YLPM1: variants seen among roughly 807,000 people sequenced by gnomAD.
YLPM1 encodes the protein YLP motif-containing protein 1.
A neutral mutation model predicts 230.0 loss-of-function variants in YLPM1; 99 were observed. The ratio of observed to expected loss-of-function variants is 0.43; its 90% CI spans 0.37 to 0.51. The LOEUF is 0.51. Ranked by LOEUF, YLPM1 falls within the 20% of genes least tolerant of loss-of-function variation. The probability of loss-of-function intolerance (pLI) is 0.00; values close to 1 mark genes in which losing one functional copy is unlikely to be tolerated. For missense variants in YLPM1, 2,592 were observed against 2,707.7 expected (o/e 0.96, Z 0.95); for synonymous variants, 984 against 942.5 (o/e 1.04, Z -0.81).
intron 17 of YLPM1, among the ~76,000 whole-genome samples, chr14:74,822,775 A>G (rs372832284): frequency 1.3e-5 from 2 of 152,186 alleles, no homozygotes; most frequent in Non-Finnish European, 2.9e-5. Context: ...TGGAATTCTC[A>G]GTAAACCTTG....
At chr14:74,821,635 T>A (rs1257933435) in intron 17 of YLPM1, 1 of 152,272 alleles carries the variant, frequency 6.6e-6, no homozygotes, top group African/African-American at 2.4e-5. Flanking sequence ...GGGGAAAAAT[T>A]AAATGACTGT....
At position 74,780,586 on chromosome 14, in the gene YLPM1, C is replaced by G; in HGVS notation, c.1290+2C>G. 1.2e-6 allele frequency: 2 copies of G among 1,604,394 alleles called. No individual in the cohort carries two copies. Among genetic ancestry groups the G allele is most frequent in the Non-Finnish European group, 1.7e-6 (2 of 1,173,358 alleles). On this transcript the variant is annotated splice_donor_variant, in intron 3 of 20. Transcript: ENST00000325680. LOFTEE classifies it high-confidence loss of function. Reference sequence around the variant, plus strand: ...ATACAGCCCCCACCACATATACAGGCAAGTGCTTCCATAGTCCACAATAGG... The same window carrying G: ...ATACAGCCCCCACCACATATACAGGGAAGTGCTTCCATAGTCCACAATAGG...
Position 74,763,594 on chromosome 14 carries a change from G to C in YLPM1, c.105G>C (p.Gly35=). The C allele has an allele frequency of 1.9e-6, 3 of 1,590,294 alleles. No homozygotes were observed. The highest frequency in any genetic ancestry group is 2.6e-6 in the Non-Finnish European group (3 of 1,167,372). Residue 35 remains glycine (G), a synonymous_variant, in exon 1 of 21, where the codon GGG becomes GGC. Coordinates refer to ENST00000325680, the MANE Select transcript of YLPM1 (RefSeq NM_019589.3). ...VALPEASPGP[G]YSSSTTPAAP... is the part of the protein sequence containing the mutation. ...TTCCTGAGGCCTCGCCGGGGCCCGG[G>C]TACTCGAGCTCGACGACTCCCGCGG...
chr14:74,834,525 A>C (rs1306139003), intron 19 of YLPM1, among the ~76,000 whole-genome samples: 2 of 152,220 alleles, frequency 1.3e-5, no homozygotes, highest in Non-Finnish European at 2.9e-5. Flanking sequence ...TCAAAAGCAG[A>C]CATATCAAAA....
intron 18 of YLPM1, among the ~76,000 whole-genome samples, chr14:74,826,429 A>G (rs540966120): frequency 1.4e-4 from 21 of 152,302 alleles, no homozygotes; most frequent in African/African-American, 4.3e-4. Flanking sequence ...ACATTCTCCA[A>G]TTACTCTTGG....
At chr14:74,833,054 A>G (rs2091619837) in intron 19 of YLPM1, among the ~76,000 whole-genome samples, 1 of 149,000 alleles carries the variant, frequency 6.7e-6, no homozygotes, top group African/African-American at 2.5e-5. Context: ...GAGCCTTACC[A>G]TATAAGGGGC....
At chr14:74,773,455 C>T (rs1386200496) in intron 1 of YLPM1, among the ~76,000 whole-genome samples, 3 of 152,180 alleles carry the variant, frequency 2.0e-5, no homozygotes, top group Non-Finnish European at 4.4e-5. Context: ...TCATTCTGTA[C>T]AGTCTTCATA....
chr14:74,791,861 A>G (rs1236176748), intron 4 of YLPM1, among the ~76,000 whole-genome samples: 1 of 152,178 alleles, frequency 6.6e-6, no homozygotes, highest in African/African-American at 2.4e-5. Context: ...CAAGGCATTC[A>G]CAATTTTGTT....
intron 1 of YLPM1, 98 bp downstream of exon 1, chr14:74,764,460 C>A (rs2090891319): frequency 7.2e-7 from 1 of 1,379,478 alleles, no homozygotes; most frequent in Non-Finnish European, 9.6e-7. Context: ...TTCCAACACA[C>A]AATGACTAGC....
At chr14:74,770,555 G>A (rs530048775) in intron 1 of YLPM1, among the ~76,000 whole-genome samples, 3 of 151,976 alleles carry the variant, frequency 2.0e-5, no homozygotes, top group Admixed American at 1.3e-4. Flanking sequence ...AACCCAGGAG[G>A]CAGAGGTTGC....
chr14:74,808,975 G>T (rs2091407061), intron 6 of YLPM1, among the ~76,000 whole-genome samples: 1 of 152,080 alleles, frequency 6.6e-6, no homozygotes, highest in African/African-American at 2.4e-5. Context: ...CAGTGCATAT[G>T]AAAATGGTAT....
chr14:74,796,071 A>C (rs1318188546), intron 4 of YLPM1, among the ~76,000 whole-genome samples: 1 of 152,152 alleles, frequency 6.6e-6, no homozygotes, highest in Non-Finnish European at 1.5e-5. Flanking sequence ...GCTGCAAGAG[A>C]TATTGAGAAA....
chr14:74,816,347 C>A, intron 12 of YLPM1, 82 bp downstream of exon 12: 1 of 1,422,762 alleles, frequency 7.0e-7, no homozygotes, highest in Non-Finnish European at 9.7e-7. Flanking sequence ...TAGCAAGCAA[C>A]ATAATGCCAA....
chr14:74,777,834 G>T (rs1183290591), intron 1 of YLPM1, among the ~76,000 whole-genome samples: 1 of 152,036 alleles, frequency 6.6e-6, no homozygotes, highest in Non-Finnish European at 1.5e-5. Context: ...AATTAGCTGG[G>T]CGTGATGGTG....
intron 1 of YLPM1, among the ~76,000 whole-genome samples, chr14:74,775,751 A>T (rs1190514666): frequency 6.6e-6 from 1 of 152,222 alleles, no homozygotes; most frequent in Non-Finnish European, 1.5e-5. Flanking sequence ...ATTATAGATC[A>T]TCTTTTATTT....
intron 1 of YLPM1, among the ~76,000 whole-genome samples, chr14:74,766,668 G>T (rs1178038880): frequency 6.8e-6 from 1 of 146,808 alleles, no homozygotes; most frequent in Non-Finnish European, 1.5e-5. Flanking sequence ...GGTAGAGACG[G>T]GGTTTTGCTA....
Position 74,781,998 on chromosome 14 carries a change from C to G in YLPM1, c.1955C>G (p.Pro652Arg). ...CCTCAGTTAACAGCAGCCCCAGTTC[C>G]ACCAGCCTCCAGTTCACAGAGCTCG... ...IPPQLTAAPV[P>R]PASSSQSSQV... Residue 652 changes from proline (P) to arginine (R), a missense_variant, in exon 4 of 21, where the codon CCA becomes CGA. This residue lies in a region of YLPM1 where 1,862 missense variants were observed against 1,819.8 expected (regional missense o/e 1.02). Transcript: ENST00000325680. The G allele has an allele frequency of 2.5e-6, 4 of 1,613,850 alleles. No individual in the cohort carries two copies. Among genetic ancestry groups the G allele is most frequent in the Non-Finnish European group, 2.5e-6 (3 of 1,179,810 alleles).
At chr14:74,792,876 C>G (rs926239518) in intron 4 of YLPM1, among the ~76,000 whole-genome samples, 1 of 152,152 alleles carries the variant, frequency 6.6e-6, no homozygotes, top group Non-Finnish European at 1.5e-5. Flanking sequence ...GCTCAAGTAA[C>G]TTGCTAAGGA....
rs573055690 is a variant in YLPM1 at position 74,798,788 on chromosome 14, G to T, written c.3491G>T (p.Arg1164Leu). 1 of 1,613,914 alleles carries T rather than the reference G, an allele frequency of 6.2e-7. No homozygotes were observed. The highest frequency in any genetic ancestry group is 1.3e-5 in the African/African-American group (1 of 75,014). ...GGACTGGGAAGATCAGATTTTGGTC[G>T]TGATAGAGGTCCATTCAGACCAGAA... Reference protein sequence around the residue: ...ERGLGRSDFGRDRGPFRPEPG... With the variant: ...ERGLGRSDFGLDRGPFRPEPG... Residue 1164 changes from arginine (R) to leucine (L), a missense_variant, in exon 5 of 21, where the codon CGT becomes CTT. Transcript: ENST00000325680.
Sources: gnomAD v4.1 joint callset for allele counts (sites outside exome capture counted in the v4.1 genomes callset) on GRCh38, gnomAD v4.1.1 for gene constraint, gnomAD v4.1.1 regional missense constraint, MANE v1.5 for transcripts, NCBI Gene and HGNC (gene_info 2026-07-23, HGNC 2026-07-21) for gene names.